Variants in SDK1 observed in about 807,000 individuals in gnomAD.
The protein encoded by SDK1 is protein sidekick-1.
In SDK1, 157 loss-of-function variants were observed where a neutral mutation model predicts 245.5. That is an observed-to-expected ratio of 0.64 (90% CI 0.56 to 0.73). The LOEUF (loss-of-function observed/expected upper bound fraction) is 0.73, where lower values mean the gene tolerates loss of function less well. Ranked by LOEUF, SDK1 falls within the 30% of genes least tolerant of loss-of-function variation. SDK1 has a pLI of 0.00. For missense variants in SDK1, 3,583 were observed against 3,002.3 expected, an observed-to-expected ratio of 1.19 and a Z score of -4.52; for synonymous variants, 1,647 against 1,278.5, an observed-to-expected ratio of 1.29 and a Z score of -6.15.
rs990683093 is a variant in SDK1 at position 3,720,302 on chromosome 7, G to GA, written c.713+78205dup. 2.6e-5 allele frequency among the ~76,000 whole-genome samples: 4 copies of GA among 151,514 alleles called. No homozygotes were observed. In the East Asian group the frequency reaches 5.8e-4, roughly 22 times the overall value. ...TATAAAAACAAAAACTGCAGACATG[G>GA]AAAAAAAATTTGTAAACCACGTACC... On this transcript the variant is annotated intron_variant, in intron 4 of 44. Coordinates refer to ENST00000404826, the MANE Select transcript of SDK1 (RefSeq NM_152744.4).
chr7:3,773,889 G>C (rs1276193061), intron 4 of SDK1, among the ~76,000 whole-genome samples: 1 of 152,128 alleles, frequency 6.6e-6, no homozygotes, highest in Non-Finnish European at 1.5e-5. Context: ...CTTCCTAAAA[G>C]AAGAGAAAGA....
intron 17 of SDK1, among the ~76,000 whole-genome samples, chr7:4,033,698 G>C (rs748233995): frequency 1.3e-5 from 2 of 152,082 alleles, no homozygotes; most frequent in Non-Finnish European, 2.9e-5. Flanking sequence ...CATAACCACA[G>C]GAGAATACGC....
chr7:3,698,735 C>A (rs1392771831), intron 4 of SDK1, among the ~76,000 whole-genome samples: 1 of 152,176 alleles, frequency 6.6e-6, no homozygotes, highest in Non-Finnish European at 1.5e-5. Flanking sequence ...TCGCTGTGTC[C>A]TCACATGGCA....
chr7:3,950,352 G>A (rs1375173864), intron 5 of SDK1, among the ~76,000 whole-genome samples: 1 of 152,190 alleles, frequency 6.6e-6, no homozygotes, highest in Admixed American at 6.5e-5. Flanking sequence ...CATTTGTCAT[G>A]CTCCGATCAT....
At chr7:3,608,985 G>A (rs1781506711) in intron 1 of SDK1, among the ~76,000 whole-genome samples, 1 of 152,150 alleles carries the variant, frequency 6.6e-6, no homozygotes, top group Admixed American at 6.5e-5. Context: ...AAGCAGGTGT[G>A]AGAATCTAGT....
intron 1 of SDK1, among the ~76,000 whole-genome samples, chr7:3,315,406 A>C (rs1236071111): frequency 1.1e-5 from 1 of 92,640 alleles, no homozygotes; most frequent in Middle Eastern, 5.3e-3. Flanking sequence ...CTGATCTTTG[A>C]GTGCACCCCT....
At chr7:3,936,237 G>T (rs1780154428) in intron 5 of SDK1, among the ~76,000 whole-genome samples, 1 of 152,126 alleles carries the variant, frequency 6.6e-6, no homozygotes, top group Non-Finnish European at 1.5e-5. Flanking sequence ...TGGGGAGGAG[G>T]AAGTGGGGAG....
intron 28 of SDK1, among the ~76,000 whole-genome samples, chr7:4,136,767 G>A (rs576753510): frequency 1.0e-3 from 157 of 152,364 alleles, no homozygotes; most frequent in Non-Finnish European, 1.7e-3. Context: ...CCAGCAGGAG[G>A]GCCTAACATT....
At chr7:3,337,897 C>G (rs1019355863) in intron 1 of SDK1, 3 of 152,104 alleles carry the variant, frequency 2.0e-5, no homozygotes, top group Admixed American at 6.5e-5. Context: ...GGTAAAAGTT[C>G]TTTAAATGAA....
chr7:4,198,736 T>G (rs886678254), intron 35 of SDK1, among the ~76,000 whole-genome samples: 24 of 152,086 alleles, frequency 1.6e-4, no homozygotes, highest in Non-Finnish European at 3.2e-4. Context: ...AGATCCAAGT[T>G]CATATCGAGC....
intron 1 of SDK1, among the ~76,000 whole-genome samples, chr7:3,563,529 G>A (rs991417332): frequency 6.6e-6 from 1 of 152,106 alleles, no homozygotes; most frequent in African/African-American, 2.4e-5. Flanking sequence ...CATAAAAAAT[G>A]GTAATCTGCA....
intron 4 of SDK1, among the ~76,000 whole-genome samples, chr7:3,728,709 A>C (rs1180924613): frequency 6.6e-6 from 1 of 152,148 alleles, no homozygotes; most frequent in African/African-American, 2.4e-5. Flanking sequence ...GGGCTCAAGC[A>C]GTTCTCCTGC....
chr7:3,674,525 G>C (rs1029618297), intron 4 of SDK1, among the ~76,000 whole-genome samples: 3 of 152,190 alleles, frequency 2.0e-5, no homozygotes, highest in Admixed American at 1.3e-4. Flanking sequence ...TGGTTAAGGA[G>C]TTTTGGTTTG....
chr7:3,673,876 A>T (rs1229302226), intron 4 of SDK1, among the ~76,000 whole-genome samples: 1 of 152,246 alleles, frequency 6.6e-6, no homozygotes, highest in Non-Finnish European at 1.5e-5. Flanking sequence ...TGAGATTATT[A>T]TTGATGAACT....
At chr7:3,439,674 C>G (rs775085482) in intron 1 of SDK1, among the ~76,000 whole-genome samples, 1 of 152,188 alleles carries the variant, frequency 6.6e-6, no homozygotes, top group Non-Finnish European at 1.5e-5. Context: ...TCTTAATGAT[C>G]TGATGCACTT....
intron 1 of SDK1, among the ~76,000 whole-genome samples, chr7:3,465,724 G>C (rs1196728646): frequency 6.6e-6 from 1 of 152,152 alleles, no homozygotes; most frequent in Non-Finnish European, 1.5e-5. Flanking sequence ...GTCTGGGAAG[G>C]TGTGAAGGAG....
intron 1 of SDK1, among the ~76,000 whole-genome samples, chr7:3,306,019 A>G (rs1421094875): frequency 1.3e-5 from 2 of 152,176 alleles, no homozygotes; most frequent in African/African-American, 2.4e-5. Context: ...GAGTCTGAAC[A>G]TAACTTGAGT....
rs897136549 is a variant in SDK1 at position 3,974,552 on chromosome 7, A to T, written c.1994+7A>T. ...TGGCCCGGCTGGAAGTGATGTGAGTACTGAGACGTTTGGTGTTAGCCAGTC... is the reference window on the plus strand; with the variant it reads ...TGGCCCGGCTGGAAGTGATGTGAGTTCTGAGACGTTTGGTGTTAGCCAGTC... On this transcript the variant is annotated splice_region_variant and intron_variant, in intron 13 of 44. Transcript: ENST00000404826. The T allele has an allele frequency of 4.3e-6, 7 of 1,613,576 alleles. No homozygotes were observed. The highest frequency in any genetic ancestry group is 5.9e-6 in the Non-Finnish European group (7 of 1,179,546).
intron 4 of SDK1, among the ~76,000 whole-genome samples, chr7:3,794,538 A>C (rs1283943252): frequency 6.6e-6 from 1 of 152,160 alleles, no homozygotes; most frequent in African/African-American, 2.4e-5. Context: ...TCATGGATTA[A>C]TGGTTATCAT....
Sources: gnomAD v4.1 joint callset for allele counts (sites outside exome capture counted in the v4.1 genomes callset) on GRCh38, gnomAD v4.1.1 for gene constraint, MANE v1.5 for transcripts, NCBI Gene and HGNC (gene_info 2026-07-23, HGNC 2026-07-21) for gene names.